Variants in FAM171A1 observed in about 807,000 individuals in gnomAD.
FAM171A1 encodes protein FAM171A1.
A neutral mutation model predicts 74.9 loss-of-function variants in FAM171A1; 23 were observed. That is an observed-to-expected ratio of 0.31 (90% CI 0.22 to 0.44). The LOEUF is 0.44. Ranked by LOEUF, FAM171A1 falls within the 20% of genes least tolerant of loss-of-function variation. FAM171A1 has a pLI of 1.00. For missense variants in FAM171A1, 1,162 were observed against 1,159.2 expected (o/e 1.00, Z -0.03); for synonymous variants, 527 against 505.7 (o/e 1.04, Z -0.57).
At chr10:15,238,787 C>A (rs916205584) in intron 5 of FAM171A1, among the ~76,000 whole-genome samples, 1 of 152,146 alleles carries the variant, frequency 6.6e-6, no homozygotes, top group Non-Finnish European at 1.5e-5. Flanking sequence ...TCTATAGCAA[C>A]CCCCACACAC....
In FAM171A1 at chr10:15,259,710, T is replaced by C. The variant is rs1477092901; in HGVS notation, c.419-4831A>G. ...AGAAAGGAATTATTTTAATTCTAAC[T>C]CTGTATCCTTTCCTATCACACCATG... On this transcript the variant is annotated intron_variant, in intron 3 of 7. Transcript: ENST00000378116. Among the ~76,000 whole-genome samples the C allele has an allele frequency of 2.0e-5, 3 of 152,080 alleles. No individual in the cohort carries two copies. The East Asian group carries it at 5.8e-4, about 29-fold the overall frequency.
chr10:15,271,654 G>A (rs950508112), intron 3 of FAM171A1, among the ~76,000 whole-genome samples: 6 of 152,218 alleles, frequency 3.9e-5, no homozygotes, highest in African/African-American at 1.2e-4. Context: ...TACCCACAAA[G>A]GGAAGCCCAT....
intron 2 of FAM171A1, among the ~76,000 whole-genome samples, chr10:15,276,571 T>C (rs557071074): frequency 5.2e-5 from 8 of 152,382 alleles, no homozygotes; most frequent in African/African-American, 1.9e-4. Context: ...TACATAATGT[T>C]AGATGTTAAC....
Position 15,239,202 on chromosome 10 carries a change from A to G in FAM171A1, c.754+9437T>C, listed in dbSNP as rs116263109. 7.6e-3 allele frequency among the ~76,000 whole-genome samples: 1,158 copies of G among 152,372 alleles called. 15 individuals are homozygous for G. The highest frequency in any genetic ancestry group is 0.025 in the African/African-American group (1,045 of 41,580). On this transcript the variant is annotated intron_variant, in intron 5 of 7. Transcript: ENST00000378116. ...GCTCAGCTAAGAGGCATTCGCTATG[A>G]CTAACAAAACTTCCTTTGACAGACA...
At chr10:15,235,029 G>A (rs527298300) in intron 5 of FAM171A1, among the ~76,000 whole-genome samples, 13 of 152,224 alleles carry the variant, frequency 8.5e-5, no homozygotes, top group Admixed American at 4.6e-4. Flanking sequence ...TAGCCCCTAT[G>A]CCGGGCGTGG....
intron 1 of FAM171A1, among the ~76,000 whole-genome samples, chr10:15,315,731 C>A (rs890680593): frequency 6.6e-6 from 1 of 152,126 alleles, no homozygotes; most frequent in Non-Finnish European, 1.5e-5. Context: ...CACCTGGTGT[C>A]CCCCCAACTC....
chr10:15,266,460 G>A (rs1834742233), intron 3 of FAM171A1, among the ~76,000 whole-genome samples: 1 of 152,136 alleles, frequency 6.6e-6, no homozygotes, highest in African/African-American at 2.4e-5. Flanking sequence ...CATCCAGGCT[G>A]CCCTTCCTGT....
chr10:15,216,082 C>A lies in FAM171A1; in HGVS notation c.900G>T (p.Thr300=). 1.9e-6 allele frequency: 3 copies of A among 1,608,958 alleles called. No individual in the cohort carries two copies. The highest frequency in any genetic ancestry group is 2.5e-6 in the Non-Finnish European group (3 of 1,178,930). ...PGPVVTQDIT[T]YHTVFLLAIL... is the part of the protein sequence containing the mutation. The stretch of plus-strand genomic sequence containing the variant: ...TGGCCAAAAGAAACACCGTGTGATA[C>A]GTGGTAATGTCCTGTGTTACAACGG... The change falls in exon 7 of 8, where the codon ACG becomes ACT. Residue 300 remains threonine, a synonymous_variant. Transcript: ENST00000378116.
At chr10:15,264,846 G>A (rs890064173) in intron 3 of FAM171A1, among the ~76,000 whole-genome samples, 6 of 149,040 alleles carry the variant, frequency 4.0e-5, no homozygotes, top group Non-Finnish European at 6.0e-5. Flanking sequence ...TATCTACATG[G>A]TAGTAAAGAC....
chr10:15,364,553 G>A (rs532155314), intron 1 of FAM171A1, among the ~76,000 whole-genome samples: 1 of 152,254 alleles, frequency 6.6e-6, no homozygotes, highest in East Asian at 1.9e-4. Flanking sequence ...TAGGGGTTAG[G>A]GTCTGTGTTA....
At chr10:15,230,052 G>A (rs1834185195) in intron 5 of FAM171A1, among the ~76,000 whole-genome samples, 2 of 151,930 alleles carry the variant, frequency 1.3e-5, no homozygotes, top group Admixed American at 1.3e-4. Flanking sequence ...ATCTCCATAA[G>A]TTCCTACCAA....
At chr10:15,336,242 C>T (rs955929470) in intron 1 of FAM171A1, among the ~76,000 whole-genome samples, 2 of 152,108 alleles carry the variant, frequency 1.3e-5, no homozygotes, top group African/African-American at 4.8e-5. Flanking sequence ...CATCTGCCAC[C>T]CCCAGGTTGA....
At position 15,226,324 on chromosome 10, in the gene FAM171A1, G is replaced by A. The variant is rs529234888; in HGVS notation, c.755-5264C>T. Reference sequence around the variant, plus strand: ...GGGACTGCATGTGTGTGAAGGTTACGGGGTGATCTCTCTGGCATCATCAAG... The same window carrying A: ...GGGACTGCATGTGTGTGAAGGTTACAGGGTGATCTCTCTGGCATCATCAAG... On this transcript the variant is annotated intron_variant, in intron 5 of 7. Coordinates refer to ENST00000378116, the MANE Select transcript of FAM171A1 (RefSeq NM_001010924.2). Among the ~76,000 whole-genome samples, 57 of 152,306 alleles carry A rather than the reference G, an allele frequency of 3.7e-4. No individual in the cohort carries two copies. The South Asian group carries it at 0.011, about 30-fold the overall frequency.
At chr10:15,281,477 G>A (rs139699558) in intron 2 of FAM171A1, among the ~76,000 whole-genome samples, 3,550 of 150,488 alleles carry the variant, frequency 0.024, 62 homozygotes, top group Non-Finnish European at 0.036. Context: ...GGGCCAGCCA[G>A]GGGTGGGCAG....
chr10:15,268,979 T>C (rs1157390892), intron 3 of FAM171A1, among the ~76,000 whole-genome samples: 1 of 152,152 alleles, frequency 6.6e-6, no homozygotes, highest in African/African-American at 2.4e-5. Context: ...GAGGCGGATA[T>C]TGCAGTGAGC....
At chr10:15,303,086 G>T (rs1273473092) in intron 1 of FAM171A1, among the ~76,000 whole-genome samples, 2 of 152,054 alleles carry the variant, frequency 1.3e-5, no homozygotes, top group African/African-American at 4.8e-5. Context: ...CTACTTCGGA[G>T]GCTGAGGCAA....
At chr10:15,326,795 T>C (rs565503802) in intron 1 of FAM171A1, among the ~76,000 whole-genome samples, 61 of 152,134 alleles carry the variant, frequency 4.0e-4, no homozygotes, top group Middle Eastern at 3.4e-3. Flanking sequence ...ACCCAGCTAA[T>C]TTTTGTATTT....
chr10:15,218,378 C>T (rs1394981433), intron 6 of FAM171A1, among the ~76,000 whole-genome samples: 1 of 152,116 alleles, frequency 6.6e-6, no homozygotes, highest in Non-Finnish European at 1.5e-5. Context: ...CGTGCCTGGC[C>T]AGCATTATTG....
intron 5 of FAM171A1, chr10:15,240,834 G>C: frequency 3.1e-6 from 2 of 638,306 alleles, no homozygotes; most frequent in Non-Finnish European, 3.9e-6. Context: ...GAGGGCAGGA[G>C]TCTGAGACCA....
Sources: allele counts gnomAD v4.1 joint callset (sites outside exome capture counted in the v4.1 genomes callset), GRCh38; gene constraint gnomAD v4.1.1; transcripts MANE v1.5; gene names NCBI Gene and HGNC (gene_info 2026-07-23, HGNC 2026-07-21).